The following BHMT2 variants were observed in gnomAD, a reference collection of about 807,000 sequenced individuals.
BHMT2 encodes betaine--homocysteine S-methyltransferase 2.
Under a neutral mutation model 39.0 loss-of-function variants are expected in BHMT2, and 28 were observed. That is an observed-to-expected ratio of 0.72 (90% CI 0.53 to 0.98). The LOEUF (loss-of-function observed/expected upper bound fraction) is 0.98. Ranked by LOEUF, BHMT2 falls within the 50% of genes least tolerant of loss-of-function variation. The probability of loss-of-function intolerance (pLI) is 0.00; values close to 1 mark genes in which losing one functional copy is unlikely to be tolerated. For missense variants in BHMT2, 410 were observed against 455.6 expected (o/e 0.90, Z 0.91); for synonymous variants, 145 against 160.6 (o/e 0.90, Z 0.74).
At position 79,089,281 on chromosome 5, in the gene BHMT2, G is replaced by C. The variant is rs1486456113; in HGVS notation, c.*707G>C. The C allele has an allele frequency of 6.6e-6, 1 of 151,816 alleles. No homozygotes were observed. The highest frequency in any genetic ancestry group is 2.4e-5 in the African/African-American group (1 of 41,316). The allele number at this position is 151,816 out of a possible 1,614,324, so 9.4% of individuals were successfully genotyped here. ...AGCCTGACCAACATGGTGAAACCCTGTCTCTACCAAAATACAAAAATTAGC... is the reference window on the plus strand; with the variant it reads ...AGCCTGACCAACATGGTGAAACCCTCTCTCTACCAAAATACAAAAATTAGC... On this transcript the variant is annotated 3_prime_UTR_variant, in exon 8 of 8. Coordinates refer to ENST00000255192, the MANE Select transcript of BHMT2 (RefSeq NM_017614.5).
Position 79,077,461 on chromosome 5 carries a change from C to CT in BHMT2, c.34-12dup. 2.5e-6 allele frequency: 4 copies of CT among 1,593,588 alleles called. No homozygotes were observed. Among genetic ancestry groups the CT allele is most frequent in the South Asian group, 2.3e-5 (2 of 86,336 alleles). On this transcript the variant is annotated intron_variant, in intron 1 of 7. Transcript: ENST00000255192. ...AAAAAAGTAGAGCGGAGCTTAGGTG[C>CT]TTTTTTTCTCTTCTTCAGGGGATTT...
At chr5:79,074,634 C>CT (rs1208371188) in intron 1 of BHMT2, among the ~76,000 whole-genome samples, 8 of 152,310 alleles carry the variant, frequency 5.3e-5, no homozygotes, top group African/African-American at 1.9e-4. Flanking sequence ...CTCCTGACAC[C>CT]TGGGTGGGTC....
intron 5 of BHMT2, 73 bp from the exon 6 acceptor site, chr5:79,083,119 G>A: frequency 6.3e-7 from 1 of 1,590,570 alleles, no homozygotes; most frequent in Non-Finnish European, 8.6e-7. Context: ...TAACCTCTAA[G>A]GTACCTTCCA....
rs868419764 is a variant in BHMT2, at chr5:79,083,264, A to G, written c.671A>G (p.Glu224Gly). 1 of 1,614,108 alleles carries G rather than the reference A, an allele frequency of 6.2e-7. No homozygotes were observed. Among genetic ancestry groups the G allele is most frequent in the Non-Finnish European group, 8.5e-7 (1 of 1,180,022 alleles). Reference sequence around the variant, plus strand: ...TTGAAGACGATGGAGCTCATGAAGGAGGGTCTTGAGTGGGCAGGGCTGAAA... The same window carrying G: ...TTGAAGACGATGGAGCTCATGAAGGGGGGTCTTGAGTGGGCAGGGCTGAAA... ...TSLKTMELMK[E>G]GLEWAGLKAH... The change falls in exon 6 of 8, where the codon GAG becomes GGG. Residue 224 changes from glutamate (E) to glycine (G), a missense_variant. Coordinates refer to ENST00000255192, the MANE Select transcript of BHMT2 (RefSeq NM_017614.5).
chr5:79,077,406 T>G, intron 1 of BHMT2, 74 bp from the exon 2 acceptor site: 1 of 1,545,784 alleles, frequency 6.5e-7, no homozygotes, highest in Non-Finnish European at 8.7e-7. Context: ...CCACTTCACC[T>G]AAAATTAGAA....
In BHMT2 at chr5:79,083,728, G is replaced by A. The variant is rs1033087451; in HGVS notation, c.882G>A (p.Glu294=). 1 of 1,614,012 alleles carries A rather than the reference G, an allele frequency of 6.2e-7. No homozygotes were observed. The highest frequency in any genetic ancestry group is 1.3e-5 in the African/African-American group (1 of 75,006). ...ACATTGGCGGGTGCTGTGGATTTGA[G>A]CCCTACCACATCAGGGCAATTGCAG... ...VRYIGGCCGF[E]PYHIRAIAEE... Residue 294 remains glutamate, a synonymous_variant, in exon 7 of 8, where the codon GAG becomes GAA. Coordinates refer to ENST00000255192, the MANE Select transcript of BHMT2 (RefSeq NM_017614.5).
Position 79,088,589 on chromosome 5 carries a change from A to G in BHMT2, c.*15A>G, listed in dbSNP as rs369874568. On this transcript the variant is annotated 3_prime_UTR_variant, in exon 8 of 8. Transcript: ENST00000255192. ...CAGACTTCTAAGGAGTAGTGAAAGA[A>G]AACCCTGAAATAATCGAACAGGAAA... The G allele has an allele frequency of 1.2e-6, 2 of 1,610,700 alleles. No individual in the cohort carries two copies. Among genetic ancestry groups the G allele is most frequent in the African/African-American group, 2.7e-5 (2 of 74,734 alleles).
At chr5:79,074,451 C>G (rs575069831) in intron 1 of BHMT2, among the ~76,000 whole-genome samples, 2 of 152,270 alleles carry the variant, frequency 1.3e-5, no homozygotes, top group East Asian at 3.9e-4. Context: ...CAGGATTGAC[C>G]CAGCTAAGGA....
At position 79,069,773 on chromosome 5, in the gene BHMT2, C is replaced by T. The variant is rs1449669483; in HGVS notation, c.-10C>T. Reference sequence around the variant, plus strand: ...GCCCGGGAACCCGGCGCCCACAGAGCCGCGGCACCATGGCACCTGCTGGAC... The same window carrying T: ...GCCCGGGAACCCGGCGCCCACAGAGTCGCGGCACCATGGCACCTGCTGGAC... On this transcript the variant is annotated 5_prime_UTR_variant, in exon 1 of 8. Coordinates refer to ENST00000255192, the MANE Select transcript of BHMT2 (RefSeq NM_017614.5). 2.1e-6 allele frequency: 3 copies of T among 1,423,124 alleles called. No homozygotes were observed. Among genetic ancestry groups the T allele is most frequent in the Non-Finnish European group, 2.8e-6 (3 of 1,081,558 alleles). 88.2% of individuals were successfully genotyped at this position (1,423,124 alleles called of 1,614,324 possible).
chr5:79,078,693 C>A (rs377220115), intron 2 of BHMT2, among the ~76,000 whole-genome samples: 1 of 152,364 alleles, frequency 6.6e-6, no homozygotes, highest in East Asian at 1.9e-4. Context: ...ATCGGACACC[C>A]AGAGTTCTGT....
At chr5:79,071,006 C>CT (rs1020725698) in intron 1 of BHMT2, 2 of 152,130 alleles carry the variant, frequency 1.3e-5, no homozygotes, top group African/African-American at 4.8e-5. Flanking sequence ...GAACATTGTG[C>CT]TTTTTTCTCT....
chr5:79,082,706 A>G, intron 4 of BHMT2, 103 bp from the exon 5 acceptor site: 3 of 1,371,426 alleles, frequency 2.2e-6, no homozygotes, highest in Non-Finnish European at 3.0e-6. Flanking sequence ...GCATATGTTT[A>G]TATTCTATTT....
At chr5:79,073,523 C>T (rs1755619029) in intron 1 of BHMT2, among the ~76,000 whole-genome samples, 1 of 152,112 alleles carries the variant, frequency 6.6e-6, no homozygotes, top group Non-Finnish European at 1.5e-5. Context: ...TGTGGAAGGT[C>T]TCAATAAACG....
chr5:79,076,205 A>G (rs933066285), intron 1 of BHMT2, among the ~76,000 whole-genome samples: 1 of 152,166 alleles, frequency 6.6e-6, no homozygotes, highest in African/African-American at 2.4e-5. Flanking sequence ...CTCAGCAGCC[A>G]GACTCTCCTC....
intron 2 of BHMT2, 54 bp from the exon 3 acceptor site, chr5:79,079,315 T>C: frequency 7.6e-7 from 1 of 1,317,652 alleles, no homozygotes. Context: ...TGATAGCTTC[T>C]GTAATATTTC....
Position 79,083,519 on chromosome 5 carries a change from G to A in BHMT2, c.782-109G>A, listed in dbSNP as rs541338586. On this transcript the variant is annotated intron_variant, in intron 6 of 7. Transcript: ENST00000255192. The stretch of plus-strand genomic sequence containing the variant: ...ACCAAAAATGAGCTATCAGAAGAAT[G>A]CATCATCTAAAGTTTATAGTTTTTT... 77 of 1,474,216 alleles carry A rather than the reference G, an allele frequency of 5.2e-5. No homozygotes were observed. In the African/African-American group the frequency reaches 1.0e-3, roughly 20 times the overall value. 91.3% of individuals were successfully genotyped at this position (1,474,216 alleles called of 1,614,324 possible).
At chr5:79,083,034 A>G in intron 5 of BHMT2, 78 bp downstream of exon 5, 1 of 1,593,468 alleles carries the variant, frequency 6.3e-7, no homozygotes, top group Admixed American at 1.7e-5. Flanking sequence ...ATATTGTGAG[A>G]GCAGTTTGGA....
chr5:79,077,545 G>A lies in BHMT2; in HGVS notation c.99G>A (p.Leu33=). The A allele has an allele frequency of 1.9e-6, 3 of 1,613,958 alleles. No individual in the cohort carries two copies. The highest frequency in any genetic ancestry group is 2.5e-6 in the Non-Finnish European group (3 of 1,179,984). The change falls in exon 2 of 8, where the codon CTG becomes CTA. Residue 33 remains leucine (L), a synonymous_variant. Transcript: ENST00000255192. ...GAGATGGCAGCTTTCTCATTACTCTGGAGAAGAGAGGCTATGTGAAGGCTG... is the reference window on the plus strand; with the variant it reads ...GAGATGGCAGCTTTCTCATTACTCTAGAGAAGAGAGGCTATGTGAAGGCTG... ...VIGDGSFLIT[L]EKRGYVKAGL...
intron 7 of BHMT2, among the ~76,000 whole-genome samples, chr5:79,087,010 GTGTGTATA>G (rs1285235880): frequency 3.1e-3 from 354 of 113,436 alleles, no homozygotes; most frequent in Non-Finnish European, 4.7e-3. Context: ...GTGTGTGTGT[GTGTGTATA>G]TATATATATA....
Sources: gnomAD v4.1 joint callset for allele counts (sites outside exome capture counted in the v4.1 genomes callset) on GRCh38, gnomAD v4.1.1 for gene constraint, MANE v1.5 for transcripts, NCBI Gene and HGNC (gene_info 2026-07-23, HGNC 2026-07-21) for gene names.